RAD50: variants seen among roughly 807,000 people sequenced by gnomAD.
The protein encoded by RAD50 is RAD50 double strand break repair protein.
A neutral mutation model predicts 168.8 loss-of-function variants in RAD50; 132 were observed. That is an observed-to-expected ratio of 0.78 (90% CI 0.68 to 0.90). The LOEUF (loss-of-function observed/expected upper bound fraction) is 0.90, where lower values mean the gene tolerates loss of function less well. RAD50 is among the 40% of genes least tolerant of loss of function. RAD50 has a pLI of 0.00. For missense variants in RAD50, 1,347 were observed against 1,534.4 expected (o/e 0.88, Z 2.04); for synonymous variants, 525 against 497.4 (o/e 1.06, Z -0.74).
chr5:132,642,827 T>C lies in RAD50; in HGVS notation c.*463T>C, dbSNP rs1751760602. 3 of 358,066 alleles carry C rather than the reference T, an allele frequency of 8.4e-6. No individual in the cohort carries two copies. In the East Asian group the frequency reaches 1.4e-4, roughly 17 times the overall value. The allele number at this position is 358,066 out of a possible 1,614,324, so 22.2% of individuals were successfully genotyped here. A position where few individuals can be genotyped will look rare whatever the true frequency, so the allele number is the denominator to read the frequency against. On this transcript the variant is annotated 3_prime_UTR_variant, in exon 25 of 25. Coordinates refer to ENST00000378823, the MANE Select transcript of RAD50 (RefSeq NM_005732.4). The stretch of plus-strand genomic sequence containing the variant: ...AATATCTGAGGATGACCAGAAATGG[T>C]GAGATGTATGTTTGGCTCTGCTTTT...
At position 132,616,065 on chromosome 5, in the gene RAD50, A is replaced by G. The variant is rs1554099788; in HGVS notation, c.3099A>G (p.Glu1033=). 1 of 1,611,236 alleles carries G rather than the reference A, an allele frequency of 6.2e-7. No individual in the cohort carries two copies. Among genetic ancestry groups the G allele is most frequent in the Non-Finnish European group, 8.5e-7 (1 of 1,177,576 alleles). Reference sequence around the variant, plus strand: ...GAAAAAGAAATGAGGAACTAAAAGAAGTTGAAGAAGAAAGAAAACAACATT... The same window carrying G: ...GAAAAAGAAATGAGGAACTAAAAGAGGTTGAAGAAGAAAGAAAACAACATT... ...TLRKRNEELK[E]VEEERKQHLK... Residue 1033 remains glutamate, a synonymous_variant, in exon 20 of 25, where the codon GAA becomes GAG. Coordinates refer to ENST00000378823, the MANE Select transcript of RAD50 (RefSeq NM_005732.4).
At chr5:132,624,461 T>G (rs1484759992) in intron 21 of RAD50, among the ~76,000 whole-genome samples, 2 of 152,214 alleles carry the variant, frequency 1.3e-5, no homozygotes, top group Non-Finnish European at 2.9e-5. Flanking sequence ...TTAGTTTTTC[T>G]TAGTTCTTTA....
rs1750022697 is a variant in RAD50 at position 132,557,434 on chromosome 5, C to T, written c.110C>T (p.Pro37Leu). The T allele has an allele frequency of 6.2e-7, 1 of 1,614,062 alleles. No individual in the cohort carries two copies. Among genetic ancestry groups the T allele is most frequent in the African/African-American group, 1.3e-5 (1 of 74,926 alleles). The change falls in exon 1 of 25, where the codon CCC (proline) becomes CTC (leucine). Residue 37 changes from proline to leucine, a missense_variant. Pro to Leu is a moderately conservative substitution (Grantham distance 98). Coordinates refer to ENST00000378823, the MANE Select transcript of RAD50 (RefSeq NM_005732.4). ...AGCCCCCTTACAATTTTGGTTGGAC[C>T]CAATGGGGCGGGAAAGACGGTAAGT... ...FFSPLTILVG[P>L]NGAGKTTIIE...
rs73259689 is a variant in RAD50, at chr5:132,605,591, C to T, written c.2718+592C>T. On this transcript the variant is annotated intron_variant, in intron 16 of 24. Coordinates refer to ENST00000378823, the MANE Select transcript of RAD50 (RefSeq NM_005732.4). ...AACTCATGGCCTCAAGCAATGCAGC[C>T]TTGGCCTCCCAAAATTACAGGCTTA... Among the ~76,000 whole-genome samples, 623 of 152,306 alleles carry T rather than the reference C, an allele frequency of 4.1e-3. 9 individuals carry two copies. Among genetic ancestry groups the T allele is most frequent in the African/African-American group, 0.015 (606 of 41,568 alleles).
intron 19 of RAD50, among the ~76,000 whole-genome samples, chr5:132,615,556 C>A (rs1278613079): frequency 6.6e-6 from 1 of 152,124 alleles, no homozygotes; most frequent in Non-Finnish European, 1.5e-5. Context: ...TCTTTCAGGT[C>A]AGTAGGCTTT....
At chr5:132,600,735 A>C (rs1750873573) in intron 13 of RAD50, among the ~76,000 whole-genome samples, 1 of 152,194 alleles carries the variant, frequency 6.6e-6, no homozygotes, top group African/African-American at 2.4e-5. Context: ...ATCCCCTTAG[A>C]AAAGGAATGT....
At chr5:132,596,778 T>G (rs1375491462) in intron 13 of RAD50, among the ~76,000 whole-genome samples, 1 of 152,180 alleles carries the variant, frequency 6.6e-6, no homozygotes, top group Non-Finnish European at 1.5e-5. Flanking sequence ...AAAAAATGAT[T>G]CAAACAGATG....
Position 132,603,961 on chromosome 5 carries a change from A to G in RAD50, c.2439A>G (p.Ala813=), listed in dbSNP as rs1581001464. The G allele has an allele frequency of 2.5e-6, 4 of 1,611,948 alleles. No individual in the cohort carries two copies. The highest frequency in any genetic ancestry group is 3.4e-6 in the Non-Finnish European group (4 of 1,178,068). The change falls in exon 15 of 25, where the codon GCA becomes GCG. Residue 813 remains alanine (A), a synonymous_variant. Transcript: ENST00000378823. ...KDVERKIAQQ[A]AKLQGIDLDR... is the part of the protein sequence containing the mutation. The stretch of plus-strand genomic sequence containing the variant: ...TTGAAAGAAAAATTGCACAACAAGC[A>G]GCTAAGCTACAAGGAATAGACTTAG...
At position 132,644,340 on chromosome 5, in the gene RAD50, C is replaced by G. The variant is rs1309762252; in HGVS notation, c.*1976C>G. On this transcript the variant is annotated 3_prime_UTR_variant, in exon 25 of 25. Transcript: ENST00000378823. The stretch of plus-strand genomic sequence containing the variant: ...GCTTCTAGATCAGTCTCCAAATATC[C>G]CCCTTCCCCACATTGGAATGAATAG... The G allele has an allele frequency of 4.1e-5, 7 of 171,782 alleles. No individual in the cohort carries two copies. In the East Asian group the frequency reaches 6.4e-4, roughly 16 times the overall value. The allele number at this position is 171,782 out of a possible 1,614,324, so 10.6% of individuals were successfully genotyped here.
At chr5:132,586,709 A>G (rs1405470758) in intron 5 of RAD50, among the ~76,000 whole-genome samples, 1 of 152,138 alleles carries the variant, frequency 6.6e-6, no homozygotes, top group African/African-American at 2.4e-5. Flanking sequence ...TTAGTTTAAA[A>G]TTAGGTTCTG....
At chr5:132,585,100 A>G (rs1257753636) in intron 5 of RAD50, among the ~76,000 whole-genome samples, 1 of 152,192 alleles carries the variant, frequency 6.6e-6, no homozygotes, top group Non-Finnish European at 1.5e-5. Context: ...AAGTATAATA[A>G]AAAGAAATAA....
chr5:132,565,980 C>G (rs1174075788), intron 2 of RAD50, among the ~76,000 whole-genome samples: 1 of 152,192 alleles, frequency 6.6e-6, no homozygotes, highest in Non-Finnish European at 1.5e-5. Flanking sequence ...CCTTAACCTT[C>G]AGCTGGCATG....
chr5:132,580,032 T>G lies in RAD50; in HGVS notation c.722T>G (p.Val241Gly). 1 of 1,613,060 alleles carries G rather than the reference T, an allele frequency of 6.2e-7. No homozygotes were observed. Among genetic ancestry groups the G allele is most frequent in the Non-Finnish European group, 8.5e-7 (1 of 1,179,114 alleles). ...EAQLTSSKEI[V>G]KSYENELDPL... ...CAGTTAACATCTTCAAAGGAAATTG[T>G]CAAATCCTATGAGAATGAACTTGAT... The change falls in exon 5 of 25, where the codon GTC becomes GGC. Residue 241 changes from valine (V) to glycine (G), a missense_variant. Around this residue, in one of 3 missense-constraint regions of RAD50, gnomAD observed 703 missense variants for 767.7 expected, o/e 0.92. Coordinates refer to ENST00000378823, the MANE Select transcript of RAD50 (RefSeq NM_005732.4).
chr5:132,576,028 A>C (rs1371052571), intron 3 of RAD50, 100 bp downstream of exon 3: 2 of 1,196,080 alleles, frequency 1.7e-6, no homozygotes, highest in Non-Finnish European at 2.3e-6. Context: ...GAGCATATTA[A>C]ATTTTTTTCA....
chr5:132,621,856 A>G (rs1198078115), intron 21 of RAD50, among the ~76,000 whole-genome samples: 1 of 152,054 alleles, frequency 6.6e-6, no homozygotes, highest in Non-Finnish European at 1.5e-5. Context: ...CTGCTCATAA[A>G]TTATGCTTTT....
chr5:132,566,786 T>A (rs1462624793), intron 2 of RAD50, among the ~76,000 whole-genome samples: 1 of 152,228 alleles, frequency 6.6e-6, no homozygotes, highest in Admixed American at 6.5e-5. Flanking sequence ...ATACTCTTCT[T>A]TTCCCTACTT....
chr5:132,558,565 G>A (rs989543917), intron 1 of RAD50, among the ~76,000 whole-genome samples: 5 of 151,970 alleles, frequency 3.3e-5, no homozygotes, highest in Non-Finnish European at 5.9e-5. Context: ...ACAAAAATTA[G>A]CCAGGCGTGG....
At chr5:132,603,839 A>G in intron 14 of RAD50, 81 bp from the exon 15 acceptor site, 1 of 1,267,556 alleles carries the variant, frequency 7.9e-7, no homozygotes, top group Non-Finnish European at 1.1e-6. Flanking sequence ...TAAAAAATAA[A>G]TGATAAGAGC....
intron 3 of RAD50, among the ~76,000 whole-genome samples, chr5:132,578,394 C>A (rs1750437516): frequency 6.6e-6 from 1 of 152,158 alleles, no homozygotes; most frequent in Non-Finnish European, 1.5e-5. Context: ...CTACAACCAC[C>A]ATTCTAGTCC....
Sources: gnomAD v4.1 joint callset for allele counts (sites outside exome capture counted in the v4.1 genomes callset) on GRCh38, gnomAD v4.1.1 for gene constraint, gnomAD v4.1.1 regional missense constraint, MANE v1.5 for transcripts, NCBI Gene and HGNC (gene_info 2026-07-23, HGNC 2026-07-21) for gene names.